The following GNA13 variants were observed in gnomAD, a reference collection of about 807,000 sequenced individuals.
The protein encoded by GNA13 is G protein subunit alpha 13.
GNA13 carries 4 observed loss-of-function variants against 33.5 expected under a neutral mutation model. The observed-to-expected ratio is 0.12, with a 90% CI of 0.06 to 0.27. The LOEUF (loss-of-function observed/expected upper bound fraction) is 0.27, where lower values mean the gene tolerates loss of function less well. GNA13 is among the 10% of genes least tolerant of loss of function. The pLI is 1.00. For missense variants in GNA13, 319 were observed against 487.2 expected, an observed-to-expected ratio of 0.65 and a Z score of 3.25; for synonymous variants, 176 against 183.8, an observed-to-expected ratio of 0.96 and a Z score of 0.34.
At chr17:65,047,465 G>T (rs1270860052) in intron 2 of GNA13, among the ~76,000 whole-genome samples, 1 of 152,112 alleles carries the variant, frequency 6.6e-6, no homozygotes, top group Non-Finnish European at 1.5e-5. Flanking sequence ...TAGATGGGAT[G>T]AAATATTTAA....
intron 2 of GNA13, among the ~76,000 whole-genome samples, chr17:65,034,323 C>T (rs1466129920): frequency 6.6e-6 from 1 of 151,424 alleles, no homozygotes; most frequent in Non-Finnish European, 1.5e-5. Flanking sequence ...ATAAATTCCT[C>T]TTTATATCAA....
At chr17:65,056,273 CTG>C in intron 1 of GNA13, 36 bp downstream of exon 1, 33 of 1,428,124 alleles carry the variant, frequency 2.3e-5, no homozygotes, top group East Asian at 7.2e-5. Context: ...CCCAGCCCCC[CTG>C]CCCTTAACCC....
At chr17:65,056,275 G>GC in intron 1 of GNA13, 36 bp downstream of exon 1, 20 of 1,284,516 alleles carry the variant, frequency 1.6e-5, no homozygotes, top group East Asian at 2.7e-5. Context: ...CAGCCCCCCT[G>GC]CCCTTAACCC....
At chr17:65,054,025 A>G (rs1214568560) in intron 1 of GNA13, among the ~76,000 whole-genome samples, 1 of 152,250 alleles carries the variant, frequency 6.6e-6, no homozygotes, top group Non-Finnish European at 1.5e-5. Context: ...AAGGTAGTCA[A>G]AAAACAATCT....
chr17:65,049,447 C>T (rs534523760), intron 2 of GNA13, among the ~76,000 whole-genome samples: 62 of 152,102 alleles, frequency 4.1e-4, no homozygotes, highest in East Asian at 1.7e-3. Flanking sequence ...GTCTGAAAAA[C>T]GAGGAAATAA....
chr17:65,037,445 C>A (rs1460607353), intron 2 of GNA13, among the ~76,000 whole-genome samples: 1 of 152,156 alleles, frequency 6.6e-6, no homozygotes, highest in African/African-American at 2.4e-5. Context: ...TTTCCTGTGC[C>A]AACATCGATT....
Position 65,039,216 on chromosome 17 carries a change from C to G in GNA13, c.510+14286G>C, listed in dbSNP as rs532267382. On this transcript the variant is annotated intron_variant, in intron 2 of 3. Coordinates refer to ENST00000439174, the MANE Select transcript of GNA13 (RefSeq NM_006572.6). ...AATGATTTTCCCTACAAAGTATATC[C>G]TGAATCCATTTTCTTCTCTTATCTC... Among the ~76,000 whole-genome samples, 75 of 152,324 alleles carry G rather than the reference C, an allele frequency of 4.9e-4. 1 individual carries two copies. Among genetic ancestry groups the G allele is most frequent in the African/African-American group, 1.6e-3 (66 of 41,570 alleles).
chr17:65,017,351 T>C (rs11653503), intron 3 of GNA13, among the ~76,000 whole-genome samples: 129,615 of 152,212 alleles, frequency 0.85, 59,139 homozygotes, highest in East Asian at 1. Context: ...GAGTGCTAAA[T>C]AGTCTGGCAG....
intron 3 of GNA13, among the ~76,000 whole-genome samples, chr17:65,016,355 AAT>A (rs141386982): frequency 6.6e-6 from 1 of 151,808 alleles, no homozygotes. Flanking sequence ...TGGAATTAAG[AAT>A]ATATATATAT....
intron 2 of GNA13, 90 bp from the exon 3 acceptor site, chr17:65,018,393 C>G (rs1255787562): frequency 4.0e-6 from 3 of 740,768 alleles, no homozygotes; most frequent in East Asian, 5.2e-5. Flanking sequence ...TGGTTGTACA[C>G]TTAACCCAAA....
rs191821609 is a variant in GNA13 at position 65,045,393 on chromosome 17, G to A, written c.510+8109C>T. Among the ~76,000 whole-genome samples, 262 of 150,468 alleles carry A rather than the reference G, an allele frequency of 1.7e-3. 1 individual carries two copies. Among genetic ancestry groups the A allele is most frequent in the African/African-American group, 6.0e-3 (248 of 41,086 alleles). On this transcript the variant is annotated intron_variant, in intron 2 of 3. Coordinates refer to ENST00000439174, the MANE Select transcript of GNA13 (RefSeq NM_006572.6). ...AAATTAGCTGGGTATGGCGGTGCACGCTTGTAGTCCCAATAACTTGGGAGG... is the reference window on the plus strand; with the variant it reads ...AAATTAGCTGGGTATGGCGGTGCACACTTGTAGTCCCAATAACTTGGGAGG...
intron 2 of GNA13, among the ~76,000 whole-genome samples, chr17:65,038,716 C>T (rs143643707): frequency 3.6e-4 from 55 of 152,272 alleles, no homozygotes; most frequent in African/African-American, 1.0e-3. Flanking sequence ...CGTGAGCCAC[C>T]GTGCCCCGCC....
intron 1 of GNA13, chr17:65,055,847 T>G: frequency 1.4e-6 from 1 of 728,302 alleles, no homozygotes; most frequent in African/African-American, 1.9e-5. Context: ...TGCGACCCCA[T>G]GTGACTCGGG....
chr17:65,020,182 A>G (rs755212795), intron 2 of GNA13, among the ~76,000 whole-genome samples: 2 of 152,230 alleles, frequency 1.3e-5, no homozygotes, highest in East Asian at 1.9e-4. Context: ...AATTACTGGG[A>G]GGAAGTTACC....
At chr17:65,016,746 G>A (rs1598479054) in intron 3 of GNA13, among the ~76,000 whole-genome samples, 1 of 152,332 alleles carries the variant, frequency 6.6e-6, no homozygotes, top group African/African-American at 2.4e-5. Flanking sequence ...GGACTCAAGT[G>A]TTAGCTTTTC....
At chr17:65,030,993 A>C (rs1906983758) in intron 2 of GNA13, among the ~76,000 whole-genome samples, 1 of 152,214 alleles carries the variant, frequency 6.6e-6, no homozygotes, top group South Asian at 2.1e-4. Context: ...AATTAAGTAG[A>C]GTTTCTTCTG....
intron 2 of GNA13, among the ~76,000 whole-genome samples, chr17:65,025,495 C>T (rs571626791): frequency 6.4e-4 from 98 of 152,256 alleles, no homozygotes; most frequent in Non-Finnish European, 1.1e-3. Context: ...CCTGATACTC[C>T]AGATGTAACA....
chr17:65,019,052 G>T (rs1245284154), intron 2 of GNA13, among the ~76,000 whole-genome samples: 1 of 152,078 alleles, frequency 6.6e-6, no homozygotes, highest in East Asian at 1.9e-4. Context: ...TTTCCCGCGG[G>T]ATTCTACAGC....
rs181644210 is a variant in GNA13, at chr17:65,032,732, G to T, written c.511-14429C>A. Among the ~76,000 whole-genome samples, 631 of 152,086 alleles carry T rather than the reference G, an allele frequency of 4.1e-3. 5 individuals carry two copies. The highest frequency in any genetic ancestry group is 6.9e-3 in the Non-Finnish European group (469 of 68,016). On this transcript the variant is annotated intron_variant, in intron 2 of 3. Transcript: ENST00000439174. ...TTTCATTTTGCTTGGTTGTCACACG[G>T]GACCTATTCTATTGGTCTTTATCTT...
Sources: allele counts gnomAD v4.1 joint callset (sites outside exome capture counted in the v4.1 genomes callset), GRCh38; gene constraint gnomAD v4.1.1; transcripts MANE v1.5; gene names NCBI Gene and HGNC (gene_info 2026-07-23, HGNC 2026-07-21).